Variants in LUZP2 observed in about 807,000 individuals in gnomAD.
The protein encoded by LUZP2 is leucine zipper protein 2.
A neutral mutation model predicts 51.6 loss-of-function variants in LUZP2; 52 were observed. That is an observed-to-expected ratio of 1.01 (90% confidence interval 0.81 to 1.27). The LOEUF (loss-of-function observed/expected upper bound fraction) is 1.27. LUZP2 is among the 50% of genes most tolerant of loss of function. The pLI is 0.00. For synonymous variants in LUZP2, 154 were observed against 137.3 expected, an observed-to-expected ratio of 1.12 and a Z score of -0.85; for missense variants, 436 against 395.4, an observed-to-expected ratio of 1.10 and a Z score of -0.87.
intron 9 of LUZP2, among the ~76,000 whole-genome samples, chr11:25,000,507 T>C (rs1289497532): frequency 6.6e-6 from 1 of 152,174 alleles, no homozygotes; most frequent in Admixed American, 6.6e-5. Flanking sequence ...TAAGACCACC[T>C]GTAGCTTGAT....
At chr11:24,990,044 A>G (rs1035396432) in intron 9 of LUZP2, among the ~76,000 whole-genome samples, 5 of 152,096 alleles carry the variant, frequency 3.3e-5, no homozygotes, top group African/African-American at 1.2e-4. Flanking sequence ...ATTCTCTGAT[A>G]TTCGTCCATC....
At chr11:24,927,340 G>T (rs962616919) in intron 7 of LUZP2, among the ~76,000 whole-genome samples, 2 of 151,950 alleles carry the variant, frequency 1.3e-5, no homozygotes, top group Non-Finnish European at 2.9e-5. Context: ...GCCTAAGCCA[G>T]TGTCTAGAAG....
intron 9 of LUZP2, among the ~76,000 whole-genome samples, chr11:24,993,094 GA>G (rs1856396857): frequency 6.6e-6 from 1 of 152,114 alleles, no homozygotes; most frequent in African/African-American, 2.4e-5. Flanking sequence ...AATTTTCAGG[GA>G]AATTAGACTC....
At chr11:24,814,927 G>A (rs1399230971) in intron 5 of LUZP2, among the ~76,000 whole-genome samples, 1 of 150,740 alleles carries the variant, frequency 6.6e-6, no homozygotes, top group Non-Finnish European at 1.5e-5. Context: ...GGGAGGTGGA[G>A]CTTGCAGTGA....
intron 1 of LUZP2, among the ~76,000 whole-genome samples, chr11:24,596,911 ATC>A (rs1217063519): frequency 6.6e-6 from 1 of 152,164 alleles, no homozygotes; most frequent in Non-Finnish European, 1.5e-5. Flanking sequence ...CAATTTTTAA[ATC>A]TCTGTTTTTC....
At chr11:24,960,103 C>A (rs1436972466) in intron 7 of LUZP2, among the ~76,000 whole-genome samples, 5 of 152,122 alleles carry the variant, frequency 3.3e-5, no homozygotes, top group Non-Finnish European at 7.4e-5. Flanking sequence ...ATGAAGCCCA[C>A]TTGATCATGG....
In LUZP2 at chr11:24,996,452, G is replaced by T. The variant is rs528912928; in HGVS notation, c.765+13159G>T. Among the ~76,000 whole-genome samples, 8 of 151,720 alleles carry T rather than the reference G, an allele frequency of 5.3e-5. No individual in the cohort carries two copies. The South Asian group carries it at 1.7e-3, about 32-fold the overall frequency. On this transcript the variant is annotated intron_variant, in intron 9 of 11. Transcript: ENST00000336930. ...TCTATTAAATTATGAAACTTCTGGG[G>T]TTTCCACAAAATGCCACAGATTAGA...
At chr11:24,940,347 T>G (rs1237183470) in intron 7 of LUZP2, among the ~76,000 whole-genome samples, 1 of 152,110 alleles carries the variant, frequency 6.6e-6, no homozygotes, top group Non-Finnish European at 1.5e-5. Flanking sequence ...TGATGGGTCT[T>G]CAATATTTTA....
intron 7 of LUZP2, among the ~76,000 whole-genome samples, chr11:24,944,938 A>G (rs79848799): frequency 0.016 from 2,386 of 152,318 alleles, 32 homozygotes; most frequent in Non-Finnish European, 0.021. Flanking sequence ...TTTATCTTCA[A>G]TGCACATTAT....
chr11:24,748,050 C>T (rs2631417), intron 4 of LUZP2, among the ~76,000 whole-genome samples: 1 of 152,038 alleles, frequency 6.6e-6, no homozygotes, highest in African/African-American at 2.4e-5. Flanking sequence ...GGATTTGTAC[C>T]CTTCCCCCAG....
In LUZP2 at chr11:24,650,155, C is replaced by A. The variant is rs145359053; in HGVS notation, c.63-79014C>A. On this transcript the variant is annotated intron_variant, in intron 1 of 11. Transcript: ENST00000336930. The stretch of plus-strand genomic sequence containing the variant: ...TAGTGGTGTAGATGTGGTAATGTTT[C>A]CATATACAGATACATGCTGTACACA... 2.9e-3 allele frequency among the ~76,000 whole-genome samples: 440 copies of A among 151,876 alleles called. 4 individuals are homozygous for A. Among genetic ancestry groups the A allele is most frequent in the African/African-American group, 0.01 (419 of 41,464 alleles).
intron 5 of LUZP2, among the ~76,000 whole-genome samples, chr11:24,856,427 T>C (rs1310345766): frequency 6.6e-6 from 1 of 151,936 alleles, no homozygotes; most frequent in Admixed American, 6.6e-5. Flanking sequence ...AAAAAGTCAA[T>C]AAAAGTTATT....
intron 5 of LUZP2, among the ~76,000 whole-genome samples, chr11:24,766,876 C>T (rs1590481074): frequency 6.6e-6 from 1 of 152,274 alleles, no homozygotes; most frequent in Non-Finnish European, 1.5e-5. Context: ...ATACCCCTGG[C>T]TCAGCCTCCT....
chr11:24,933,949 C>G (rs183918142), intron 7 of LUZP2, among the ~76,000 whole-genome samples: 11 of 151,922 alleles, frequency 7.2e-5, no homozygotes, highest in Non-Finnish European at 1.3e-4. Flanking sequence ...TACAAAGTAC[C>G]TTCTTAAGGG....
At chr11:25,010,410 C>T (rs1856947373) in intron 9 of LUZP2, among the ~76,000 whole-genome samples, 1 of 151,720 alleles carries the variant, frequency 6.6e-6, no homozygotes, top group Non-Finnish European at 1.5e-5. Flanking sequence ...CGAAATTGGC[C>T]AAGGGGATTC....
At chr11:24,605,784 C>A (rs1044955904) in intron 1 of LUZP2, among the ~76,000 whole-genome samples, 1 of 151,716 alleles carries the variant, frequency 6.6e-6, no homozygotes, top group Admixed American at 6.6e-5. Context: ...TTTTTATTAT[C>A]ATGCAATATG....
At chr11:24,734,662 A>C (rs1025215768) in intron 3 of LUZP2, among the ~76,000 whole-genome samples, 1 of 151,960 alleles carries the variant, frequency 6.6e-6, no homozygotes, top group African/African-American at 2.4e-5. Context: ...GTTTACCTAA[A>C]AAGAGAAATA....
intron 5 of LUZP2, among the ~76,000 whole-genome samples, chr11:24,774,480 A>G (rs1238814124): frequency 3.1e-5 from 4 of 129,482 alleles, no homozygotes; most frequent in African/African-American, 1.2e-4. Context: ...TGTAGAGAGA[A>G]TATATATATA....
At chr11:25,061,063 A>G (rs560939591) in intron 10 of LUZP2, among the ~76,000 whole-genome samples, 84 of 152,264 alleles carry the variant, frequency 5.5e-4, no homozygotes, top group African/African-American at 1.8e-3. Context: ...AGGAGCTTCA[A>G]TGTTCATGAA....
Sources: allele counts gnomAD v4.1 joint callset (sites outside exome capture counted in the v4.1 genomes callset), GRCh38; gene constraint gnomAD v4.1.1; transcripts MANE v1.5; gene names NCBI Gene and HGNC (gene_info 2026-07-23, HGNC 2026-07-21).